Variants in PPP1R9A observed in about 807,000 individuals in gnomAD.
PPP1R9A encodes the protein neurabin-1.
In PPP1R9A, 59 loss-of-function variants were observed where a neutral mutation model predicts 141.9. The ratio of observed to expected loss-of-function variants is 0.42; its 90% CI spans 0.34 to 0.52. The LOEUF is 0.52. Among genes scored for constraint, PPP1R9A ranks in the 20% least tolerant of loss-of-function variants. PPP1R9A has a pLI of 0.10. For synonymous variants in PPP1R9A, 500 were observed against 569.7 expected, an observed-to-expected ratio of 0.88 and a Z score of 1.74; for missense variants, 1,444 against 1,611.9, an observed-to-expected ratio of 0.90 and a Z score of 1.78.
At chr7:94,999,945 G>A (rs113137244) in intron 2 of PPP1R9A, among the ~76,000 whole-genome samples, 2,125 of 152,034 alleles carry the variant, frequency 0.014, 18 homozygotes, top group Admixed American at 0.024. Context: ...GGGATTACAG[G>A]TGCCTGCCAC....
At chr7:94,960,254 G>T (rs1797487301) in intron 2 of PPP1R9A, among the ~76,000 whole-genome samples, 1 of 150,180 alleles carries the variant, frequency 6.7e-6, no homozygotes, top group African/African-American at 2.4e-5. Flanking sequence ...TTGAATTCTG[G>T]CACTCTCTTA....
At chr7:94,945,057 C>T (rs1056034360) in intron 2 of PPP1R9A, among the ~76,000 whole-genome samples, 15 of 151,906 alleles carry the variant, frequency 9.9e-5, no homozygotes, top group African/African-American at 2.4e-4. Flanking sequence ...ACATGAGATA[C>T]GTACCTTTTA....
chr7:95,149,672 A>C (rs1828290582), intron 4 of PPP1R9A, among the ~76,000 whole-genome samples: 1 of 150,642 alleles, frequency 6.6e-6, no homozygotes, highest in Non-Finnish European at 1.5e-5. Context: ...ACCTAATAAA[A>C]TCTGAAGTCT....
intron 8 of PPP1R9A, among the ~76,000 whole-genome samples, chr7:95,237,558 A>C (rs547162848): frequency 1.3e-5 from 2 of 152,010 alleles, no homozygotes; most frequent in African/African-American, 4.8e-5. Context: ...TTTCTGTACT[A>C]TGGCTTATAT....
chr7:95,157,454 A>G (rs974598849), intron 4 of PPP1R9A, among the ~76,000 whole-genome samples: 9 of 152,142 alleles, frequency 5.9e-5, no homozygotes, highest in Admixed American at 5.2e-4. Context: ...CCAGGTCTGC[A>G]GCTGCAATTT....
chr7:95,246,407 G>A (rs1007225021), intron 8 of PPP1R9A, among the ~76,000 whole-genome samples: 2 of 152,062 alleles, frequency 1.3e-5, no homozygotes, highest in African/African-American at 4.8e-5. Context: ...AATCCAAAAC[G>A]CTCCCAGTCT....
intron 4 of PPP1R9A, among the ~76,000 whole-genome samples, chr7:95,147,200 A>T (rs576257937): frequency 6.6e-6 from 1 of 152,142 alleles, no homozygotes; most frequent in Non-Finnish European, 1.5e-5. Context: ...CTCCTTGAAG[A>T]GGTCCTCCAC....
intron 4 of PPP1R9A, among the ~76,000 whole-genome samples, chr7:95,160,508 T>C (rs1830315637): frequency 6.6e-6 from 1 of 152,176 alleles, no homozygotes; most frequent in Non-Finnish European, 1.5e-5. Context: ...AAAACAGTCT[T>C]TATTTTTATT....
chr7:95,106,728 C>G (rs901671762), intron 2 of PPP1R9A, among the ~76,000 whole-genome samples: 33 of 152,174 alleles, frequency 2.2e-4, no homozygotes, highest in African/African-American at 8.0e-4. Context: ...ATATTGATAA[C>G]TACTTTCTAG....
rs1016271897 is a variant in PPP1R9A at position 95,061,412 on chromosome 7, T to A, written c.1396-49847T>A. On this transcript the variant is annotated intron_variant, in intron 2 of 19. Transcript: ENST00000433360. ...AACAATACCATAGGTCTTTACAATATAACTTGTTATCATTCTTTGAATGAT... is the reference window on the plus strand; with the variant it reads ...AACAATACCATAGGTCTTTACAATAAAACTTGTTATCATTCTTTGAATGAT... Among the ~76,000 whole-genome samples, 54 of 152,328 alleles carry A rather than the reference T, an allele frequency of 3.5e-4. 1 individual carries two copies. Among genetic ancestry groups the A allele is most frequent in the Admixed American group, 3.1e-3 (47 of 15,300 alleles).
intron 2 of PPP1R9A, among the ~76,000 whole-genome samples, chr7:95,045,334 A>G (rs1250080512): frequency 1.3e-5 from 2 of 152,302 alleles, no homozygotes; most frequent in Non-Finnish European, 1.5e-5. Context: ...ATGGTGGCGT[A>G]TGACCTTTTG....
intron 4 of PPP1R9A, among the ~76,000 whole-genome samples, chr7:95,148,279 C>G (rs1363285194): frequency 6.6e-6 from 1 of 151,754 alleles, no homozygotes; most frequent in East Asian, 1.9e-4. Context: ...TGGTTCTTAG[C>G]AAAGATCGAT....
chr7:94,976,976 A>T (rs1056863275), intron 2 of PPP1R9A, among the ~76,000 whole-genome samples: 2 of 152,154 alleles, frequency 1.3e-5, no homozygotes, highest in Non-Finnish European at 2.9e-5. Context: ...TTGGGAAGGT[A>T]GATCCAACTT....
chr7:95,265,963 G>C (rs1011513373), intron 12 of PPP1R9A, among the ~76,000 whole-genome samples: 1 of 152,164 alleles, frequency 6.6e-6, no homozygotes, highest in African/African-American at 2.4e-5. Flanking sequence ...AGATACACCA[G>C]ATTGCCATTT....
intron 7 of PPP1R9A, among the ~76,000 whole-genome samples, chr7:95,225,274 A>G (rs1333418529): frequency 2.0e-5 from 3 of 152,182 alleles, no homozygotes; most frequent in African/African-American, 4.8e-5. Flanking sequence ...TATGCCTAAT[A>G]TTAACGGATG....
intron 2 of PPP1R9A, among the ~76,000 whole-genome samples, chr7:94,946,729 A>G (rs78466099): frequency 0.014 from 2,141 of 152,256 alleles, 18 homozygotes; most frequent in Admixed American, 0.024. Context: ...ATTCAAATTT[A>G]CTTTCTGCGT....
chr7:95,287,726 C>G (rs1175822550), intron 18 of PPP1R9A, among the ~76,000 whole-genome samples: 1 of 152,142 alleles, frequency 6.6e-6, no homozygotes, highest in Admixed American at 6.5e-5. Context: ...CACTCTGTTG[C>G]CCAGGCTGGA....
intron 5 of PPP1R9A, among the ~76,000 whole-genome samples, chr7:95,186,645 C>T (rs1397813420): frequency 6.6e-6 from 1 of 152,076 alleles, no homozygotes; most frequent in Non-Finnish European, 1.5e-5. Flanking sequence ...GTAATGTTGT[C>T]TGTGGGTTTG....
At chr7:95,183,216 C>A (rs981986813) in intron 5 of PPP1R9A, among the ~76,000 whole-genome samples, 1 of 151,876 alleles carries the variant, frequency 6.6e-6, no homozygotes, top group African/African-American at 2.4e-5. Context: ...CGGCTTACTG[C>A]AGCCTCTGCC....
Sources: gnomAD v4.1 joint callset for allele counts (sites outside exome capture counted in the v4.1 genomes callset) on GRCh38, gnomAD v4.1.1 for gene constraint, MANE v1.5 for transcripts, NCBI Gene and HGNC (gene_info 2026-07-23, HGNC 2026-07-21) for gene names.